The following NALCN variants were observed in gnomAD, a reference collection of about 807,000 sequenced individuals.
NALCN encodes sodium leak channel, non-selective.
Under a neutral mutation model 225.3 loss-of-function variants are expected in NALCN, and 111 were observed. The ratio of observed to expected loss-of-function variants is 0.49; its 90% confidence interval spans 0.42 to 0.58. The LOEUF (loss-of-function observed/expected upper bound fraction) is 0.58, where lower values mean the gene tolerates loss of function less well. Among genes scored for constraint, NALCN ranks in the 20% least tolerant of loss-of-function variants. The pLI is 0.00. For missense variants in NALCN, 1,378 were observed against 2,202.4 expected (o/e 0.63, Z 7.49); for synonymous variants, 764 against 769.0 (o/e 0.99, Z 0.11).
At chr13:101,134,966 G>A (rs568340253) in intron 17 of NALCN, among the ~76,000 whole-genome samples, 200 of 152,202 alleles carry the variant, frequency 1.3e-3, no homozygotes, top group African/African-American at 4.6e-3. Flanking sequence ...AGGCCGAGGC[G>A]GGTGGATCAC....
At chr13:101,209,560 C>T in intron 13 of NALCN, among the ~76,000 whole-genome samples, 1 of 151,910 alleles carries the variant, frequency 6.6e-6, no homozygotes, top group Middle Eastern at 3.4e-3. Flanking sequence ...ATAATTATTG[C>T]CGGACACATT....
intron 34 of NALCN, among the ~76,000 whole-genome samples, chr13:101,077,275 C>T (rs773467404): frequency 1.3e-5 from 2 of 152,136 alleles, no homozygotes; most frequent in African/African-American, 2.4e-5. Flanking sequence ...ACAGTAAATT[C>T]GTACTTAGAG....
intron 42 of NALCN, chr13:101,059,004 G>A (rs2031603782): frequency 6.6e-6 from 1 of 152,358 alleles, no homozygotes; most frequent in African/African-American, 2.4e-5. Context: ...CTGGGCCGTG[G>A]AGCCTTAGGC....
intron 14 of NALCN, among the ~76,000 whole-genome samples, chr13:101,186,406 G>T (rs775775179): frequency 6.6e-6 from 1 of 152,120 alleles, no homozygotes; most frequent in Non-Finnish European, 1.5e-5. Flanking sequence ...GGTAGTAGAG[G>T]TTCAGTAAAA....
At chr13:101,409,920 A>G (rs1382880035) in intron 1 of NALCN, among the ~76,000 whole-genome samples, 1 of 152,108 alleles carries the variant, frequency 6.6e-6, no homozygotes, top group Non-Finnish European at 1.5e-5. Context: ...TCTTATCTCT[A>G]ATGTATTTGG....
At chr13:101,139,197 A>C (rs1420377681) in intron 17 of NALCN, among the ~76,000 whole-genome samples, 1 of 152,238 alleles carries the variant, frequency 6.6e-6, no homozygotes, top group Non-Finnish European at 1.5e-5. Flanking sequence ...TGGTTTCTGC[A>C]AAGTGAGGTT....
intron 7 of NALCN, among the ~76,000 whole-genome samples, chr13:101,326,063 ACAG>A (rs2044941426): frequency 6.6e-6 from 1 of 152,184 alleles, no homozygotes; most frequent in Non-Finnish European, 1.5e-5. Flanking sequence ...CAAAAACTAA[ACAG>A]CAAACCTGTT....
intron 7 of NALCN, among the ~76,000 whole-genome samples, chr13:101,334,584 A>G (rs1022836131): frequency 6.6e-6 from 1 of 152,144 alleles, no homozygotes; most frequent in Non-Finnish European, 1.5e-5. Context: ...AATACCTTGT[A>G]TTTATAAAAA....
intron 34 of NALCN, among the ~76,000 whole-genome samples, chr13:101,080,918 TA>T (rs2033612329): frequency 6.6e-6 from 1 of 152,068 alleles, no homozygotes; most frequent in South Asian, 2.1e-4. Context: ...AGTACACCCA[TA>T]GCTGCAGATT....
chr13:101,182,258 G>C (rs2039269873), intron 14 of NALCN, among the ~76,000 whole-genome samples: 1 of 151,942 alleles, frequency 6.6e-6, no homozygotes, highest in African/African-American at 2.4e-5. Flanking sequence ...GACAGAGAGA[G>C]CCACGGCATG....
chr13:101,068,118 A>G lies in NALCN; in HGVS notation c.4331-85T>C, dbSNP rs140714219. 4.0e-5 allele frequency: 33 copies of G among 834,498 alleles called. No homozygotes were observed. In the East Asian group the frequency reaches 8.9e-4, roughly 23 times the overall value. The allele number at this position is 834,498 out of a possible 1,614,324, so 51.7% of individuals were successfully genotyped here. A position where few individuals can be genotyped will look rare whatever the true frequency, so the allele number is the denominator to read the frequency against. On this transcript the variant is annotated intron_variant, in intron 38 of 43. Transcript: ENST00000251127. Reference sequence around the variant, plus strand: ...AAGAGTAAAACATCTATTATTAATAATGGATTCTATCACCTATATCATAAG... The same window carrying G: ...AAGAGTAAAACATCTATTATTAATAGTGGATTCTATCACCTATATCATAAG...
intron 15 of NALCN, among the ~76,000 whole-genome samples, chr13:101,171,095 C>A (rs1214532796): frequency 6.6e-6 from 1 of 151,988 alleles, no homozygotes; most frequent in Non-Finnish European, 1.5e-5. Flanking sequence ...GCCTCTATAC[C>A]AACTGATTTA....
intron 7 of NALCN, among the ~76,000 whole-genome samples, chr13:101,325,170 C>T (rs1452158336): frequency 6.6e-6 from 1 of 152,094 alleles, no homozygotes; most frequent in Admixed American, 6.6e-5. Flanking sequence ...ACAGCACATA[C>T]TACAGATAAA....
intron 10 of NALCN, among the ~76,000 whole-genome samples, chr13:101,268,373 G>C (rs893194485): frequency 1.3e-5 from 2 of 152,220 alleles, no homozygotes; most frequent in East Asian, 1.9e-4. Flanking sequence ...ACTTCAACTT[G>C]ATTGTTCACC....
chr13:101,114,818 C>T lies in NALCN; in HGVS notation c.2193-3592G>A, dbSNP rs140684367. Among the ~76,000 whole-genome samples the T allele has an allele frequency of 5.6e-3, 859 of 152,302 alleles. 14 individuals carry two copies. Among genetic ancestry groups the T allele is most frequent in the Admixed American group, 3.3e-3 (50 of 15,302 alleles). Reference sequence around the variant, plus strand: ...ACTGCCTTAAAAAGACTAAGCCTAACGAGCAGCATGGCTTGCACAGCCCCG... The same window carrying T: ...ACTGCCTTAAAAAGACTAAGCCTAATGAGCAGCATGGCTTGCACAGCCCCG... On this transcript the variant is annotated intron_variant, in intron 18 of 43. Transcript: ENST00000251127.
intron 9 of NALCN, among the ~76,000 whole-genome samples, chr13:101,284,551 G>A (rs867168173): frequency 2.6e-4 from 39 of 152,292 alleles, no homozygotes; most frequent in Admixed American, 7.2e-4. Flanking sequence ...AGAAGTGTGC[G>A]TGTGGCATAG....
At chr13:101,259,751 T>TATATACAC (rs10622707) in intron 10 of NALCN, among the ~76,000 whole-genome samples, 7 of 131,952 alleles carry the variant, frequency 5.3e-5, no homozygotes, top group African/African-American at 1.9e-4. Context: ...TATATATATA[T>TATATACAC]ACACACACAC....
intron 15 of NALCN, 110 bp from the exon 16 acceptor site, chr13:101,145,006 A>AT: frequency 8.1e-7 from 1 of 1,230,656 alleles, no homozygotes; most frequent in Non-Finnish European, 1.1e-6. Flanking sequence ...ATGAAATGCC[A>AT]GTAGATGGCA....
intron 9 of NALCN, among the ~76,000 whole-genome samples, chr13:101,287,906 T>G (rs1010325866): frequency 6.6e-6 from 1 of 152,172 alleles, no homozygotes; most frequent in Non-Finnish European, 1.5e-5. Flanking sequence ...ATCTTGGTAA[T>G]GGAGAATCAC....
Sources: allele counts gnomAD v4.1 joint callset (sites outside exome capture counted in the v4.1 genomes callset), GRCh38; gene constraint gnomAD v4.1.1; transcripts MANE v1.5; gene names NCBI Gene and HGNC (gene_info 2026-07-23, HGNC 2026-07-21).